The following METTL16 variants were observed in gnomAD, a reference collection of about 807,000 sequenced individuals.
METTL16 encodes methyltransferase 16, RNA N6-adenosine.
METTL16 carries 19 observed loss-of-function variants against 57.9 expected under a neutral mutation model. The observed-to-expected ratio is 0.33, with a 90% CI of 0.23 to 0.48. METTL16 has a LOEUF of 0.48. METTL16 is among the 20% of genes least tolerant of loss of function. The pLI is 0.99. For missense variants in METTL16, 434 were observed against 691.5 expected, an observed-to-expected ratio of 0.63 and a Z score of 4.18; for synonymous variants, 246 against 255.6, an observed-to-expected ratio of 0.96 and a Z score of 0.36.
intron 3 of METTL16, among the ~76,000 whole-genome samples, chr17:2,476,812 C>A (rs940941543): frequency 5.3e-5 from 8 of 151,848 alleles, no homozygotes; most frequent in African/African-American, 9.7e-5. Flanking sequence ...AAAAATTAGC[C>A]AGGGGTGGTG....
intron 2 of METTL16, among the ~76,000 whole-genome samples, chr17:2,484,889 A>C (rs1375977077): frequency 6.6e-6 from 1 of 152,192 alleles, no homozygotes; most frequent in Non-Finnish European, 1.5e-5. Flanking sequence ...CCATGTTTTC[A>C]TATGAAATGG....
chr17:2,451,727 G>A (rs1410935923), intron 6 of METTL16, among the ~76,000 whole-genome samples: 1 of 151,984 alleles, frequency 6.6e-6, no homozygotes, highest in Non-Finnish European at 1.5e-5. Flanking sequence ...AAGAGAAATC[G>A]GGAGCAATTA....
chr17:2,440,437 T>C (rs1325132780), intron 7 of METTL16, among the ~76,000 whole-genome samples: 8 of 152,030 alleles, frequency 5.3e-5, no homozygotes, highest in Middle Eastern at 3.4e-3. Flanking sequence ...TTAGTAGAGA[T>C]GGGGTTTCAC....
At chr17:2,480,167 CAGAG>C (rs1266935246) in intron 2 of METTL16, among the ~76,000 whole-genome samples, 1 of 131,362 alleles carries the variant, frequency 7.6e-6, no homozygotes, top group Non-Finnish European at 1.6e-5. Context: ...GCCTAGGTGA[CAGAG>C]AGAGACTCTG....
intron 8 of METTL16, among the ~76,000 whole-genome samples, chr17:2,423,432 C>T (rs1209650123): frequency 6.6e-6 from 1 of 152,142 alleles, no homozygotes; most frequent in Admixed American, 6.5e-5. Context: ...ATTGTTATTA[C>T]TCAATCATCC....
At chr17:2,499,011 T>C (rs529501303) in intron 2 of METTL16, among the ~76,000 whole-genome samples, 1 of 151,768 alleles carries the variant, frequency 6.6e-6, no homozygotes, top group South Asian at 2.1e-4. Context: ...ACTCCACTCA[T>C]TCCTTAAAAC....
chr17:2,454,475 T>G (rs1276504111), intron 6 of METTL16, among the ~76,000 whole-genome samples: 1 of 151,976 alleles, frequency 6.6e-6, no homozygotes, highest in Non-Finnish European at 1.5e-5. Context: ...CGAATCTATA[T>G]AACTAAAAAT....
chr17:2,430,656 G>A (rs1284026657), intron 8 of METTL16, among the ~76,000 whole-genome samples: 4 of 151,944 alleles, frequency 2.6e-5, no homozygotes, highest in African/African-American at 7.2e-5. Context: ...CTGACCTCGC[G>A]ATCCGCCGGC....
chr17:2,476,248 T>G (rs1257673014), intron 3 of METTL16, among the ~76,000 whole-genome samples: 1 of 152,202 alleles, frequency 6.6e-6, no homozygotes, highest in Non-Finnish European at 1.5e-5. Context: ...TCCAAGTTTC[T>G]CATATATATG....
At chr17:2,490,037 G>A (rs1302380081) in intron 2 of METTL16, among the ~76,000 whole-genome samples, 1 of 152,158 alleles carries the variant, frequency 6.6e-6, no homozygotes, top group Non-Finnish European at 1.5e-5. Flanking sequence ...TGAAAAAGAA[G>A]TTGAGTAGAA....
At chr17:2,489,351 T>C (rs927301851) in intron 2 of METTL16, among the ~76,000 whole-genome samples, 17 of 152,034 alleles carry the variant, frequency 1.1e-4, no homozygotes, top group African/African-American at 3.4e-4. Context: ...TTTCCAGGCA[T>C]AGTTAAGAAT....
chr17:2,451,911 C>T lies in METTL16; in HGVS notation c.729-10352G>A, dbSNP rs138751562. Among the ~76,000 whole-genome samples the T allele has an allele frequency of 2.2e-3, 336 of 151,904 alleles. 1 individual carries two copies. Among genetic ancestry groups the T allele is most frequent in the African/African-American group, 7.7e-3 (318 of 41,448 alleles). ...CTGTAACCCCAGCACTTTGGGAGGC[C>T]GAGGCAGGTGGATCACTTGAGCCCA... On this transcript the variant is annotated intron_variant, in intron 6 of 9. Coordinates refer to ENST00000263092, the MANE Select transcript of METTL16 (RefSeq NM_024086.4).
intron 4 of METTL16, among the ~76,000 whole-genome samples, chr17:2,469,446 T>A (rs1324113452): frequency 6.6e-6 from 1 of 152,192 alleles, no homozygotes; most frequent in African/African-American, 2.4e-5. Flanking sequence ...CACTGCTTTA[T>A]ACACAGAATG....
intron 6 of METTL16, among the ~76,000 whole-genome samples, chr17:2,452,839 TG>T (rs1251919223): frequency 6.6e-6 from 1 of 152,088 alleles, no homozygotes; most frequent in Non-Finnish European, 1.5e-5. Context: ...AAGCGTGTAT[TG>T]TTTTTTGTTT....
In METTL16 at chr17:2,474,907, GTCTC is replaced by G. The variant is rs3029948; in HGVS notation, c.329-1247_329-1244del. ...TGCACTCCAGCCTAGGTGACATCAAGTCTCTCTCTCTCTCTCTCTCTCTTACAAT... is the reference window on the plus strand; with the variant it reads ...TGCACTCCAGCCTAGGTGACATCAAGTCTCTCTCTCTCTCTCTCTTACAAT... On this transcript the variant is annotated intron_variant, in intron 3 of 9. Coordinates refer to ENST00000263092, the MANE Select transcript of METTL16 (RefSeq NM_024086.4). 3.8e-3 allele frequency among the ~76,000 whole-genome samples: 563 copies of G among 149,368 alleles called. 1 individual carries two copies. The highest frequency in any genetic ancestry group is 7.0e-3 in the Middle Eastern group (2 of 286).
chr17:2,500,149 G>A (rs971341246), intron 2 of METTL16, among the ~76,000 whole-genome samples: 2 of 152,148 alleles, frequency 1.3e-5, no homozygotes, highest in African/African-American at 4.8e-5. Flanking sequence ...TGATTTTAAG[G>A]GTTATCTTGG....
At chr17:2,453,395 A>C (rs1360914910) in intron 6 of METTL16, among the ~76,000 whole-genome samples, 1 of 152,074 alleles carries the variant, frequency 6.6e-6, no homozygotes, top group Non-Finnish European at 1.5e-5. Context: ...TCATGACCTT[A>C]ATGTTTTTGA....
At chr17:2,468,017 A>G (rs1454724412) in intron 4 of METTL16, 141 bp from the exon 5 acceptor site, 1 of 628,044 alleles carries the variant, frequency 1.6e-6, no homozygotes, top group African/African-American at 1.9e-5. Context: ...TTTTTACTGT[A>G]CCTTTTCTAT....
chr17:2,497,305 CTT>C (rs781130501), intron 2 of METTL16, among the ~76,000 whole-genome samples: 8 of 63,784 alleles, frequency 1.3e-4, no homozygotes, highest in African/African-American at 4.9e-4. Flanking sequence ...TGCACCCGGC[CTT>C]TTTTTTTTTT....
Sources: allele counts gnomAD v4.1 joint callset (sites outside exome capture counted in the v4.1 genomes callset), GRCh38; gene constraint gnomAD v4.1.1; transcripts MANE v1.5; gene names NCBI Gene and HGNC (gene_info 2026-07-23, HGNC 2026-07-21).